The following ARHGAP8 variants were observed in gnomAD, a reference collection of about 807,000 sequenced individuals.
ARHGAP8 encodes the protein rho GTPase-activating protein 8.
ARHGAP8 carries 62 observed loss-of-function variants against 46.1 expected under a neutral mutation model. The observed-to-expected ratio is 1.34, with a 90% confidence interval of 1.10 to 1.66. The LOEUF (loss-of-function observed/expected upper bound fraction) is 1.66, where lower values mean the gene tolerates loss of function less well. ARHGAP8 is among the 40% of genes most tolerant of loss of function. The probability of loss-of-function intolerance (pLI) is 0.00; values close to 1 mark genes in which losing one functional copy is unlikely to be tolerated. For synonymous variants in ARHGAP8, 375 were observed against 243.1 expected (o/e 1.54, Z -5.05); for missense variants, 923 against 568.4 (o/e 1.62, Z -6.34).
At chr22:44,790,881 T>A (rs912231931) in intron 2 of ARHGAP8, among the ~76,000 whole-genome samples, 1 of 151,662 alleles carries the variant, frequency 6.6e-6, no homozygotes, top group African/African-American at 2.4e-5. Context: ...TACAGGCACG[T>A]GCCGCCATGC....
At chr22:44,845,363 G>C (rs370256316) in intron 8 of ARHGAP8, 21 bp downstream of exon 8, 26 of 1,613,762 alleles carry the variant, frequency 1.6e-5, no homozygotes, top group Non-Finnish European at 2.1e-5. Context: ...GCCGGCTCCA[G>C]CTGGATGACG....
chr22:44,806,153 A>C (rs933278964), intron 3 of ARHGAP8, among the ~76,000 whole-genome samples: 22 of 152,172 alleles, frequency 1.4e-4, no homozygotes, highest in African/African-American at 5.3e-4. Context: ...AGGAGGAGTG[A>C]AGAGTTCTCA....
chr22:44,846,554 G>A (rs546939429), intron 8 of ARHGAP8, among the ~76,000 whole-genome samples: 50 of 152,252 alleles, frequency 3.3e-4, no homozygotes, highest in East Asian at 1.7e-3. Flanking sequence ...GAGCAGGTAC[G>A]GGGGGCACCC....
At chr22:44,833,096 C>CTTTTCTTTTCTTTTTTTTTTT (rs535842585) in intron 7 of ARHGAP8, among the ~76,000 whole-genome samples, 15 of 120,430 alleles carry the variant, frequency 1.2e-4, no homozygotes, top group Admixed American at 2.8e-4. Flanking sequence ...CTTTTCTTTT[C>CTTTTCTTTTCTTTTTTTTTTT]TTTTTTTTTT....
At chr22:44,853,886 G>A (rs923091825) in intron 10 of ARHGAP8, among the ~76,000 whole-genome samples, 2 of 151,758 alleles carry the variant, frequency 1.3e-5, no homozygotes, top group Admixed American at 6.6e-5. Flanking sequence ...AATTAGCCAG[G>A]CATGGTGGCA....
chr22:44,825,339 G>T, intron 6 of ARHGAP8, 144 bp from the exon 7 acceptor site: 1 of 732,624 alleles, frequency 1.4e-6, no homozygotes. Flanking sequence ...GTGAGTGTGT[G>T]TGTGAGCTGG....
rs369866857 is a variant in ARHGAP8, at chr22:44,859,681, G to A, written c.878-50G>A. On this transcript the variant is annotated intron_variant, in intron 10 of 11. Coordinates refer to ENST00000356099, the MANE Select transcript of ARHGAP8 (RefSeq NM_181335.3). ...TTCTCCTCCCGGGCCGGGATGCAGC[G>A]CTGCCCCTGGCCCCTCTGGAGCTCA... is the stretch of plus-strand genomic sequence containing the variant. 6.5e-4 allele frequency: 1,037 copies of A among 1,596,798 alleles called. 2 individuals are homozygous for A. The highest frequency in any genetic ancestry group is 2.0e-3 in the Admixed American group (119 of 59,626).
At position 44,862,514 on chromosome 22, in the gene ARHGAP8, T is replaced by C; in HGVS notation, c.1221T>C (p.Ala407=). ...QGSRAAPLQE[A]VPRTQATGLT... ...GCAGGGCAGCCCCTTTGCAGGAGGC[T>C]GTGCCACGGACACAAGCCACGGGCC... Residue 407 remains alanine (A), a synonymous_variant, in exon 12 of 12, where the codon GCT becomes GCC. Transcript: ENST00000356099. 6.2e-7 allele frequency: 1 copy of C among 1,612,832 alleles called. No homozygotes were observed. The highest frequency in any genetic ancestry group is 1.1e-5 in the South Asian group (1 of 91,022).
intron 10 of ARHGAP8, among the ~76,000 whole-genome samples, chr22:44,858,550 T>TTTTTTTTTTC (rs1569184871): frequency 3.3e-5 from 4 of 121,574 alleles, no homozygotes; most frequent in South Asian, 2.4e-4. Context: ...TTTTTTTTTT[T>TTTTTTTTTTC]TAAGTAACAG....
At chr22:44,829,022 C>G (rs1294718872) in intron 7 of ARHGAP8, among the ~76,000 whole-genome samples, 1 of 147,730 alleles carries the variant, frequency 6.8e-6, no homozygotes, top group Non-Finnish European at 1.5e-5. Flanking sequence ...CCTGTAATCC[C>G]AACACTTTGG....
intron 4 of ARHGAP8, chr22:44,809,179 T>G (rs1482105675): frequency 2.1e-6 from 1 of 470,966 alleles, no homozygotes; most frequent in Non-Finnish European, 4.4e-6. Context: ...GGCCTGTTGC[T>G]CTATTGCAAC....
chr22:44,833,317 A>T (rs967885892), intron 7 of ARHGAP8, among the ~76,000 whole-genome samples: 5 of 151,680 alleles, frequency 3.3e-5, no homozygotes, highest in African/African-American at 1.2e-4. Context: ...CAGGCTGGGA[A>T]CATCATTTCT....
intron 11 of ARHGAP8, among the ~76,000 whole-genome samples, 191 bp from the exon 12 acceptor site, chr22:44,862,084 C>T (rs2070516989): frequency 6.6e-6 from 1 of 152,188 alleles, no homozygotes; most frequent in Non-Finnish European, 1.5e-5. Context: ...GCCAAGCCTT[C>T]CTTTTAGAGA....
At chr22:44,757,786 C>T (rs186220086) in intron 1 of ARHGAP8, among the ~76,000 whole-genome samples, 1 of 149,278 alleles carries the variant, frequency 6.7e-6, no homozygotes, top group Non-Finnish European at 1.5e-5. Flanking sequence ...TTACAGGCAC[C>T]TGTCACCATG....
intron 1 of ARHGAP8, among the ~76,000 whole-genome samples, chr22:44,762,231 A>G (rs566499937): frequency 6.6e-6 from 1 of 152,300 alleles, no homozygotes; most frequent in African/African-American, 2.4e-5. Flanking sequence ...TGAGGCCAGG[A>G]GTTTGAGACC....
intron 1 of ARHGAP8, among the ~76,000 whole-genome samples, chr22:44,778,141 A>C (rs1246869855): frequency 6.6e-6 from 1 of 152,024 alleles, no homozygotes; most frequent in East Asian, 1.9e-4. Flanking sequence ...TGAGCAGTAT[A>C]CATTGCATTC....
chr22:44,850,762 C>G (rs1379132204), intron 10 of ARHGAP8: 1 of 151,914 alleles, frequency 6.6e-6, no homozygotes, highest in East Asian at 1.9e-4. Context: ...CATAGGAGTT[C>G]AAGACCAGCC....
intron 8 of ARHGAP8, among the ~76,000 whole-genome samples, chr22:44,845,956 G>C (rs73422269): frequency 7.2e-5 from 11 of 152,142 alleles, no homozygotes; most frequent in African/African-American, 2.4e-4. Flanking sequence ...GGGCCGGGTG[G>C]TCTCCAGCCT....
At chr22:44,754,693 A>G (rs1218789425) in intron 1 of ARHGAP8, among the ~76,000 whole-genome samples, 3 of 152,102 alleles carry the variant, frequency 2.0e-5, no homozygotes, top group Admixed American at 1.3e-4. Context: ...TGACTTAAAC[A>G]TGCCTGGGAC....
Sources: gnomAD v4.1 joint callset for allele counts (sites outside exome capture counted in the v4.1 genomes callset) on GRCh38, gnomAD v4.1.1 for gene constraint, MANE v1.5 for transcripts, NCBI Gene and HGNC (gene_info 2026-07-23, HGNC 2026-07-21) for gene names.